SLA: variants seen among roughly 807,000 people sequenced by gnomAD.
SLA encodes src-like-adapter.
In SLA, 16 loss-of-function variants were observed where a neutral mutation model predicts 30.3. The observed-to-expected ratio is 0.53, with a 90% CI of 0.36 to 0.80. SLA has a LOEUF of 0.80. SLA is among the 30% of genes least tolerant of loss of function. The pLI is 0.01. For synonymous variants in SLA, 143 were observed against 137.8 expected (o/e 1.04, Z -0.26); for missense variants, 310 against 345.2 (o/e 0.90, Z 0.81).
intron 3 of SLA, among the ~76,000 whole-genome samples, chr8:133,055,018 A>G (rs951739860): frequency 1.3e-5 from 2 of 152,196 alleles, no homozygotes; most frequent in Admixed American, 6.5e-5. Context: ...TTAAGGGTGA[A>G]GAAGCCAAAG....
chr8:133,068,098 G>T (rs1341380669), intron 2 of SLA, among the ~76,000 whole-genome samples: 1 of 152,190 alleles, frequency 6.6e-6, no homozygotes, highest in Non-Finnish European at 1.5e-5. Context: ...GCATCATAAA[G>T]CATCACTTGA....
chr8:133,093,006 G>A (rs1242561661), intron 1 of SLA, among the ~76,000 whole-genome samples: 1 of 152,108 alleles, frequency 6.6e-6, no homozygotes, highest in African/African-American at 2.4e-5. Context: ...ACCGTCAGTG[G>A]GGGCCCCATC....
intron 1 of SLA, among the ~76,000 whole-genome samples, chr8:133,085,072 C>G (rs1846314957): frequency 6.6e-6 from 1 of 152,186 alleles, no homozygotes; most frequent in African/African-American, 2.4e-5. Context: ...GTGCTTGGAG[C>G]ACACCAGCTC....
At chr8:133,041,504 A>G (rs1838236005) in intron 7 of SLA, among the ~76,000 whole-genome samples, 1 of 152,148 alleles carries the variant, frequency 6.6e-6, no homozygotes, top group Non-Finnish European at 1.5e-5. Context: ...GGGAATCTGA[A>G]ATAATGACCT....
intron 7 of SLA, among the ~76,000 whole-genome samples, chr8:133,043,039 G>T (rs1254371580): frequency 6.6e-6 from 1 of 152,128 alleles, no homozygotes; most frequent in East Asian, 1.9e-4. Flanking sequence ...AAGTGGCCAT[G>T]TGGCTCCCAC....
chr8:133,040,072 A>G lies in SLA; in HGVS notation c.543T>C (p.Ala181=). Residue 181 remains alanine (A), a synonymous_variant, in exon 8 of 9, where the codon GCT becomes GCC. Coordinates refer to ENST00000338087, the MANE Select transcript of SLA (RefSeq NM_001045556.3). ...LTTPCLTQST[A]APAVRASSSP... ...AGCTGGAGGCCCTCACTGCTGGGGC[A>G]GCCGTGCTTTGTGTCAGGCAGGGCG... The G allele has an allele frequency of 6.4e-7, 1 of 1,557,610 alleles. No homozygotes were observed. The highest frequency in any genetic ancestry group is 8.7e-7 in the Non-Finnish European group (1 of 1,150,206).
At chr8:133,093,468 C>A (rs180884623) in intron 1 of SLA, among the ~76,000 whole-genome samples, 1 of 152,094 alleles carries the variant, frequency 6.6e-6, no homozygotes, top group African/African-American at 2.4e-5. Context: ...TTTGTCTAAG[C>A]GGTTAAGGAC....
chr8:133,075,619 C>T (rs780582315), intron 1 of SLA, among the ~76,000 whole-genome samples: 10 of 152,158 alleles, frequency 6.6e-5, no homozygotes, highest in Non-Finnish European at 1.2e-4. Flanking sequence ...GAGGATGTCT[C>T]GTATCATGAC....
chr8:133,065,905 T>C (rs1003531246), intron 2 of SLA, among the ~76,000 whole-genome samples: 2 of 152,134 alleles, frequency 1.3e-5, no homozygotes, highest in African/African-American at 4.8e-5. Context: ...CACTTGGCAG[T>C]GTTTGGAAGC....
intron 3 of SLA, among the ~76,000 whole-genome samples, chr8:133,056,217 T>C (rs1202336251): frequency 6.6e-6 from 1 of 152,224 alleles, no homozygotes; most frequent in African/African-American, 2.4e-5. Context: ...TGTGACATCG[T>C]GGATTTCTTG....
intron 7 of SLA, chr8:133,040,363 G>A: frequency 3.8e-6 from 2 of 525,568 alleles, no homozygotes; most frequent in South Asian, 2.7e-5. Context: ...CATGGGCAGA[G>A]AGAGAGGTTT....
Position 133,074,866 on chromosome 8 carries a change from G to C in SLA, c.-54C>G. On this transcript the variant is annotated 5_prime_UTR_variant, in exon 2 of 9. Transcript: ENST00000338087. The stretch of plus-strand genomic sequence containing the variant: ...CTCCCAAAATACCTTCACACACTGG[G>C]CATGACTCCTGTGGGAGCTGTCTGC... The C allele has an allele frequency of 1.0e-6, 1 of 985,540 alleles. No individual in the cohort carries two copies. The highest frequency in any genetic ancestry group is 1.2e-6 in the Non-Finnish European group (1 of 830,000). 61.0% of individuals were successfully genotyped at this position (985,540 alleles called of 1,614,324 possible).
chr8:133,062,558 C>G (rs1054939303), intron 2 of SLA, among the ~76,000 whole-genome samples: 4 of 152,258 alleles, frequency 2.6e-5, no homozygotes, highest in African/African-American at 9.6e-5. Context: ...AGGCCCGGGT[C>G]AGGCAAGAGG....
At chr8:133,100,453 G>A (rs1849068520) in intron 1 of SLA, among the ~76,000 whole-genome samples, 1 of 152,166 alleles carries the variant, frequency 6.6e-6, no homozygotes, top group South Asian at 2.1e-4. Flanking sequence ...TAGACAAATT[G>A]CACACAGCAG....
intron 1 of SLA, among the ~76,000 whole-genome samples, chr8:133,100,266 GAC>G: frequency 6.6e-6 from 1 of 152,088 alleles, no homozygotes; most frequent in South Asian, 2.1e-4. Context: ...GACCTTGCTT[GAC>G]CACTTGGATT....
chr8:133,087,859 A>G (rs970734036), intron 1 of SLA: 2 of 152,180 alleles, frequency 1.3e-5, no homozygotes, highest in Admixed American at 6.6e-5. Context: ...ACAGCACGGA[A>G]TCATGGGAAA....
Position 133,060,106 on chromosome 8 carries a change from G to T in SLA, c.55C>A (p.Pro19Thr). 1 of 1,599,242 alleles carries T rather than the reference G, an allele frequency of 6.3e-7. No homozygotes were observed. Among genetic ancestry groups the T allele is most frequent in the Non-Finnish European group, 8.5e-7 (1 of 1,175,612 alleles). ...CCAGAGAAGCCAGACTTACCCTCCG[G>T]GTTGGGCAGGGGCCTCTCGGCAGGC... ...PAPAERPLPN[P>T]EGLDSDFLAV... The change falls in exon 3 of 9, where the codon CCG becomes ACG. Residue 19 changes from proline to threonine, a missense_variant. Transcript: ENST00000338087.
chr8:133,047,614 G>A (rs1226330764), intron 6 of SLA: 12 of 575,332 alleles, frequency 2.1e-5, no homozygotes, highest in East Asian at 1.5e-4. Context: ...GGCCAGGCCC[G>A]TGGCAGTGCC....
At chr8:133,079,997 C>A (rs1222338271) in intron 1 of SLA, among the ~76,000 whole-genome samples, 1 of 151,846 alleles carries the variant, frequency 6.6e-6, no homozygotes, top group African/African-American at 2.4e-5. Flanking sequence ...TTTTTTGAAC[C>A]CCTTCAATGT....
Sources: gnomAD v4.1 joint callset for allele counts (sites outside exome capture counted in the v4.1 genomes callset) on GRCh38, gnomAD v4.1.1 for gene constraint, MANE v1.5 for transcripts, NCBI Gene and HGNC (gene_info 2026-07-23, HGNC 2026-07-21) for gene names.